ACSM6: variants seen among roughly 807,000 people sequenced by gnomAD.
ACSM6 encodes acyl-CoA synthetase medium chain family member 6.
In ACSM6, 35 loss-of-function variants were observed where a neutral mutation model predicts 51.1. The ratio of observed to expected loss-of-function variants is 0.69; its 90% confidence interval spans 0.52 to 0.91. The LOEUF (loss-of-function observed/expected upper bound fraction) is 0.91, where lower values mean the gene tolerates loss of function less well. Among genes scored for constraint, ACSM6 ranks in the 40% least tolerant of loss-of-function variants. The pLI, the probability that ACSM6 is intolerant of heterozygous loss-of-function variation, is 0.00. For missense variants in ACSM6, 509 were observed against 584.1 expected (o/e 0.87, Z 1.32); for synonymous variants, 172 against 207.3 (o/e 0.83, Z 1.46).
At chr10:95,210,844 T>TA (rs1434179420) in intron 5 of ACSM6, 51 bp downstream of exon 5, 1 of 1,570,432 alleles carries the variant, frequency 6.4e-7, no homozygotes, top group African/African-American at 1.4e-5. Context: ...CTCTTGCAGG[T>TA]AAAGGGAGCT....
At position 95,228,531 on chromosome 10, in the gene ACSM6, C is replaced by T; in HGVS notation, c.1303-113C>T. 10 of 1,080,202 alleles carry T rather than the reference C, an allele frequency of 9.3e-6. No homozygotes were observed. The South Asian group carries it at 2.4e-4, about 26-fold the overall frequency. 66.9% of individuals were successfully genotyped at this position (1,080,202 alleles called of 1,614,324 possible). A position where few individuals can be genotyped will look rare whatever the true frequency, so the allele number is the denominator to read the frequency against. On this transcript the variant is annotated intron_variant, in intron 10 of 10. Coordinates refer to ENST00000341686, the Ensembl canonical transcript of ACSM6. ...GTGAGATCCCCTGGAGAGTGGGGAT[C>T]CTGACTTATTTTTCTCAGTCTCCCC... is the stretch of plus-strand genomic sequence containing the variant.
chr10:95,219,679 A>C (rs1656489186), intron 8 of ACSM6, among the ~76,000 whole-genome samples: 1 of 152,092 alleles, frequency 6.6e-6, no homozygotes, highest in Admixed American at 6.5e-5. Context: ...AGTATGGTTT[A>C]CATGTTCTTC....
At chr10:95,196,348 C>T (rs931288786) in intron 2 of ACSM6, among the ~76,000 whole-genome samples, 6 of 152,198 alleles carry the variant, frequency 3.9e-5, no homozygotes, top group African/African-American at 1.4e-4. Flanking sequence ...GCTCCAAAAG[C>T]CACACAGTCA....
At position 95,225,348 on chromosome 10, in the gene ACSM6, G is replaced by A. The variant is rs61741028; in HGVS notation, c.1259G>A (p.Arg420His). Residue 420 changes from arginine (R) to histidine (H), a missense_variant, in exon 10 of 11, where the codon CGC (arginine) becomes CAC (histidine). Arg to His is a conservative substitution (Grantham distance 29). Transcript: ENST00000341686. ...GGGGAAGAAGGAAATATTGCAATCCGCATAAAACTAAACCAACCTGCTTCT... is the reference window on the plus strand; with the variant it reads ...GGGGAAGAAGGAAATATTGCAATCCACATAAAACTAAACCAACCTGCTTCT... The A allele has an allele frequency of 1.1e-4, 173 of 1,551,472 alleles. No homozygotes were observed. The African/African-American group carries it at 1.9e-3, about 17-fold the overall frequency.
At chr10:95,215,037 A>G in intron 8 of ACSM6, 62 bp downstream of exon 8, 7 of 1,535,770 alleles carry the variant, frequency 4.6e-6, no homozygotes, top group Non-Finnish European at 6.2e-6. Flanking sequence ...CTGTGTAAGC[A>G]CACTGTCAAA....
chr10:95,207,682 T>C (rs1248416200), intron 4 of ACSM6, among the ~76,000 whole-genome samples: 4 of 152,322 alleles, frequency 2.6e-5, no homozygotes, highest in Non-Finnish European at 4.4e-5. Context: ...GAAAGTCTTA[T>C]GTTCTGATTC....
chr10:95,198,993 A>G (rs2034763987), intron 2 of ACSM6, among the ~76,000 whole-genome samples: 1 of 148,512 alleles, frequency 6.7e-6, no homozygotes, highest in Non-Finnish European at 1.5e-5. Flanking sequence ...ACAGAATTGG[A>G]AAAAACTACT....
intron 8 of ACSM6, 51 bp from the exon 9 acceptor site, chr10:95,219,840 A>G: frequency 7.3e-7 from 1 of 1,375,642 alleles, no homozygotes; most frequent in Non-Finnish European, 1.0e-6. Context: ...AACTAGATCC[A>G]TTAATTTATT....
chr10:95,224,118 T>G (rs565032303), intron 9 of ACSM6, among the ~76,000 whole-genome samples: 2 of 152,350 alleles, frequency 1.3e-5, no homozygotes, highest in Admixed American at 1.3e-4. Flanking sequence ...CTAGACTTAG[T>G]ACTAAATGCC....
intron 2 of ACSM6, among the ~76,000 whole-genome samples, chr10:95,197,193 A>G (rs1445930461): frequency 6.6e-6 from 1 of 152,060 alleles, no homozygotes; most frequent in Non-Finnish European, 1.5e-5. Flanking sequence ...AAATTCTATC[A>G]TGAAGGGGTG....
chr10:95,227,269 C>T (rs781751960), intron 10 of ACSM6, among the ~76,000 whole-genome samples: 7 of 152,066 alleles, frequency 4.6e-5, no homozygotes, highest in Non-Finnish European at 1.0e-4. Flanking sequence ...GCCACCGCAC[C>T]CAGCCCTTAT....
At chr10:95,207,326 T>C in exon 4 of ACSM6, 1 of 1,614,188 alleles carries the variant, frequency 6.2e-7, no homozygotes, top group Non-Finnish European at 8.5e-7. Context: ...TTGTAAACTC[T>C]GCCGTGTCCG....
At chr10:95,214,290 A>G (rs2034922330) in intron 7 of ACSM6, among the ~76,000 whole-genome samples, 5 of 152,330 alleles carry the variant, frequency 3.3e-5, no homozygotes, top group South Asian at 2.1e-4. Flanking sequence ...AAGTTTTGCT[A>G]TAATCTTCCC....
intron 2 of ACSM6, among the ~76,000 whole-genome samples, chr10:95,200,543 TGAAAA>T (rs1345917246): frequency 3.3e-5 from 4 of 120,712 alleles, no homozygotes; most frequent in East Asian, 4.6e-4. Flanking sequence ...AAGAAGAAGA[TGAAAA>T]GAAGAAGAAA....
At chr10:95,212,817 C>A (rs746974273) in intron 6 of ACSM6, 41 bp from the exon 7 acceptor site, 2 of 1,480,476 alleles carry the variant, frequency 1.4e-6, no homozygotes, top group Non-Finnish European at 1.9e-6. Context: ...GTCTCTCCCA[C>A]CTCACATGCA....
intron 2 of ACSM6, 64 bp downstream of exon 2, chr10:95,194,741 A>G: frequency 1.4e-6 from 2 of 1,414,610 alleles, no homozygotes; most frequent in Non-Finnish European, 9.6e-7. Flanking sequence ...GCGTCCAAAG[A>G]TCATGAGATT....
At chr10:95,201,849 C>A in intron 2 of ACSM6, 136 bp from the exon 3 acceptor site, 1 of 685,870 alleles carries the variant, frequency 1.5e-6, no homozygotes, top group Non-Finnish European at 2.5e-6. Context: ...AGTTGAGAAA[C>A]AGTAGCTCCC....
chr10:95,225,986 G>A (rs1007450964), intron 10 of ACSM6: 1 of 152,158 alleles, frequency 6.6e-6, no homozygotes, highest in Non-Finnish European at 1.5e-5. Context: ...TTTATAATGA[G>A]ATCCAGGATA....
intron 9 of ACSM6, among the ~76,000 whole-genome samples, chr10:95,223,712 C>T (rs2035014290): frequency 6.6e-6 from 1 of 152,092 alleles, no homozygotes; most frequent in Admixed American, 6.5e-5. Context: ...AACCCCATAG[C>T]TCACATCAGA....
Sources: gnomAD v4.1 joint callset for allele counts (sites outside exome capture counted in the v4.1 genomes callset) on GRCh38, gnomAD v4.1.1 for gene constraint, MANE v1.5 for transcripts, NCBI Gene and HGNC (gene_info 2026-07-23, HGNC 2026-07-21) for gene names.